The following NRXN1 variants were observed in gnomAD, a reference collection of about 807,000 sequenced individuals.
NRXN1 encodes the protein neurexin-1.
A neutral mutation model predicts 150.9 loss-of-function variants in NRXN1; 39 were observed. That is an observed-to-expected ratio of 0.26 (90% CI 0.20 to 0.34). NRXN1 has a LOEUF of 0.34. Ranked by LOEUF, NRXN1 falls within the 10% of genes least tolerant of loss-of-function variation. The pLI is 1.00. For missense variants in NRXN1, 1,815 were observed against 1,949.9 expected (o/e 0.93, Z 1.30); for synonymous variants, 924 against 757.0 (o/e 1.22, Z -3.62).
chr2:50,520,070 T>C (rs1358004132), intron 12 of NRXN1, among the ~76,000 whole-genome samples: 1 of 151,968 alleles, frequency 6.6e-6, no homozygotes, highest in Non-Finnish European at 1.5e-5. Context: ...TATTATACCA[T>C]GTGTTATATA....
At position 50,053,605 on chromosome 2, in the gene NRXN1, T is replaced by C; in HGVS notation, c.3809-15A>G. 1.2e-6 allele frequency: 2 copies of C among 1,613,066 alleles called. No homozygotes were observed. The highest frequency in any genetic ancestry group is 1.7e-6 in the Non-Finnish European group (2 of 1,179,256). On this transcript the variant is annotated splice_polypyrimidine_tract_variant and intron_variant, in intron 20 of 22. Transcript: ENST00000401669. ...GAGCTGACGCCCTGTAAAAATAATA[T>C]TACATACATGCAAAAATGTTGATTG... is the stretch of plus-strand genomic sequence containing the variant.
chr2:50,826,358 G>A (rs1670445773), intron 5 of NRXN1, among the ~76,000 whole-genome samples: 2 of 152,126 alleles, frequency 1.3e-5, no homozygotes, highest in South Asian at 4.1e-4. Flanking sequence ...AGCAAAGACA[G>A]GTAAAGCCAA....
At chr2:50,700,185 A>T (rs1693530786) in intron 5 of NRXN1, among the ~76,000 whole-genome samples, 1 of 152,208 alleles carries the variant, frequency 6.6e-6, no homozygotes, top group Admixed American at 6.5e-5. Flanking sequence ...ATCCAAATGG[A>T]TATCCAAATC....
intron 19 of NRXN1, among the ~76,000 whole-genome samples, chr2:50,087,557 A>G (rs1489084023): frequency 6.6e-6 from 1 of 152,144 alleles, no homozygotes; most frequent in Non-Finnish European, 1.5e-5. Flanking sequence ...TTAGGGACAA[A>G]TCAGAGATTA....
intron 5 of NRXN1, among the ~76,000 whole-genome samples, chr2:50,684,460 T>A (rs551126963): frequency 1.3e-5 from 2 of 152,120 alleles, no homozygotes; most frequent in East Asian, 3.9e-4. Context: ...TGTGATGGTG[T>A]CACTACACTG....
At chr2:50,598,721 T>C (rs148434847) in intron 8 of NRXN1, among the ~76,000 whole-genome samples, 2 of 147,184 alleles carry the variant, frequency 1.4e-5, no homozygotes, top group African/African-American at 4.9e-5. Flanking sequence ...TATATGTATA[T>C]ATACACATAT....
intron 2 of NRXN1, among the ~76,000 whole-genome samples, chr2:50,946,369 A>G (rs886916408): frequency 1.3e-5 from 2 of 152,164 alleles, no homozygotes; most frequent in Non-Finnish European, 2.9e-5. Context: ...AGATGCTAAG[A>G]TGTCCTGCAT....
intron 17 of NRXN1, among the ~76,000 whole-genome samples, chr2:50,403,904 G>T (rs2082565080): frequency 6.6e-6 from 1 of 152,024 alleles, no homozygotes; most frequent in Non-Finnish European, 1.5e-5. Context: ...CCAATCTTTT[G>T]TCAGTTAATG....
chr2:50,205,075 T>G (rs2062465236), intron 18 of NRXN1, among the ~76,000 whole-genome samples: 1 of 152,070 alleles, frequency 6.6e-6, no homozygotes, highest in Non-Finnish European at 1.5e-5. Context: ...AGAAAAATTA[T>G]GCTTAGAAAG....
At chr2:50,646,232 C>T (rs1684796886) in intron 5 of NRXN1, among the ~76,000 whole-genome samples, 1 of 151,828 alleles carries the variant, frequency 6.6e-6, no homozygotes, top group South Asian at 2.1e-4. Flanking sequence ...AGAATCAGTA[C>T]AAAACAAAAG....
chr2:50,757,421 A>C (rs189210345), intron 5 of NRXN1, among the ~76,000 whole-genome samples: 2 of 151,982 alleles, frequency 1.3e-5, no homozygotes, highest in Admixed American at 6.6e-5. Flanking sequence ...AACTGTAAAG[A>C]AGTACAGAAT....
At chr2:50,137,044 G>A (rs1441203284) in intron 18 of NRXN1, among the ~76,000 whole-genome samples, 2 of 152,094 alleles carry the variant, frequency 1.3e-5, no homozygotes, top group Non-Finnish European at 2.9e-5. Flanking sequence ...TGTCAGTTGA[G>A]TATTTGGCTT....
intron 21 of NRXN1, among the ~76,000 whole-genome samples, chr2:50,020,801 T>C (rs896934414): frequency 8.5e-5 from 13 of 152,194 alleles, no homozygotes; most frequent in African/African-American, 3.1e-4. Context: ...TGTGTGTGTA[T>C]GTATGTATAA....
At chr2:50,802,435 T>A (rs756582328) in intron 5 of NRXN1, among the ~76,000 whole-genome samples, 2 of 150,240 alleles carry the variant, frequency 1.3e-5, no homozygotes, top group Non-Finnish European at 2.9e-5. Flanking sequence ...GAGGTTGCAG[T>A]GAGCTGAGAT....
intron 2 of NRXN1, among the ~76,000 whole-genome samples, chr2:51,002,002 A>ATC (rs1700136430): frequency 6.6e-6 from 1 of 152,008 alleles, no homozygotes; most frequent in Non-Finnish European, 1.5e-5. Flanking sequence ...ACACCCTGAT[A>ATC]AGTTTCCCTA....
At chr2:50,305,131 A>G (rs953317265) in intron 17 of NRXN1, among the ~76,000 whole-genome samples, 1 of 152,174 alleles carries the variant, frequency 6.6e-6, no homozygotes, top group African/African-American at 2.4e-5. Flanking sequence ...CTAGTTTATT[A>G]ACTTGGTAAA....
intron 2 of NRXN1, among the ~76,000 whole-genome samples, chr2:50,931,217 T>C (rs982709571): frequency 1.2e-4 from 19 of 152,262 alleles, no homozygotes; most frequent in African/African-American, 4.3e-4. Context: ...GGTATATAAA[T>C]TTTTTTCACC....
At chr2:50,883,618 G>T (rs985389204) in intron 5 of NRXN1, among the ~76,000 whole-genome samples, 3 of 151,678 alleles carry the variant, frequency 2.0e-5, no homozygotes, top group Admixed American at 2.0e-4. Context: ...TCCAAAACTT[G>T]TTTCTTGGGA....
rs150312593 is a variant in NRXN1, at chr2:50,964,785, A to G, written c.773-38830T>C. 1.6e-3 allele frequency among the ~76,000 whole-genome samples: 238 copies of G among 151,558 alleles called. 1 individual carries two copies. Among genetic ancestry groups the G allele is most frequent in the African/African-American group, 5.5e-3 (230 of 41,506 alleles). ...CACATAAAAACATTGTTAAATAACC[A>G]GGTATTAAATATAGTCCGATTCCAA... On this transcript the variant is annotated intron_variant, in intron 2 of 22. Transcript: ENST00000401669.
Sources: gnomAD v4.1 joint callset for allele counts (sites outside exome capture counted in the v4.1 genomes callset) on GRCh38, gnomAD v4.1.1 for gene constraint, MANE v1.5 for transcripts, NCBI Gene and HGNC (gene_info 2026-07-23, HGNC 2026-07-21) for gene names.